Variants in GLRA1 observed in about 807,000 individuals in gnomAD.
GLRA1 encodes glycine receptor alpha 1.
A neutral mutation model predicts 48.3 loss-of-function variants in GLRA1; 37 were observed. That is an observed-to-expected ratio of 0.77 (90% CI 0.59 to 1.01). The LOEUF (loss-of-function observed/expected upper bound fraction) is 1.01. Among genes scored for constraint, GLRA1 ranks in the 50% least tolerant of loss-of-function variants. The pLI, the probability that GLRA1 is intolerant of heterozygous loss-of-function variation, is 0.00. For synonymous variants in GLRA1, 196 were observed against 210.7 expected (o/e 0.93, Z 0.60); for missense variants, 427 against 571.0 (o/e 0.75, Z 2.57).
chr5:151,847,502 C>T (rs770192246), intron 7 of GLRA1, among the ~76,000 whole-genome samples: 4 of 152,058 alleles, frequency 2.6e-5, no homozygotes, highest in Non-Finnish European at 5.9e-5. Flanking sequence ...GGGTGGATCA[C>T]GAGGTCAGGA....
At chr5:151,906,984 G>A (rs1157422733) in intron 1 of GLRA1, among the ~76,000 whole-genome samples, 1 of 152,234 alleles carries the variant, frequency 6.6e-6, no homozygotes, top group Non-Finnish European at 1.5e-5. Context: ...AGCTGCCTGA[G>A]TAGATGATGA....
intron 7 of GLRA1, among the ~76,000 whole-genome samples, chr5:151,844,916 A>G (rs1390869675): frequency 6.6e-6 from 1 of 152,158 alleles, no homozygotes; most frequent in Non-Finnish European, 1.5e-5. Context: ...GCTTCCACTC[A>G]TGGTAGAAAG....
At chr5:151,825,086 A>G (rs976584804) in intron 8 of GLRA1, among the ~76,000 whole-genome samples, 12 of 152,200 alleles carry the variant, frequency 7.9e-5, no homozygotes, top group African/African-American at 2.9e-4. Context: ...GTGAGGAGGA[A>G]GAGGATGTGC....
intron 7 of GLRA1, among the ~76,000 whole-genome samples, chr5:151,832,645 C>G (rs1282569924): frequency 6.6e-6 from 1 of 152,122 alleles, no homozygotes; most frequent in African/African-American, 2.4e-5. Context: ...AAATACAGGA[C>G]TCTGTGAAAA....
At chr5:151,835,782 A>G (rs979462830) in intron 7 of GLRA1, among the ~76,000 whole-genome samples, 25 of 152,322 alleles carry the variant, frequency 1.6e-4, no homozygotes, top group Non-Finnish European at 1.6e-4. Flanking sequence ...AAAACTCTCA[A>G]TAAACTGGGT....
intron 6 of GLRA1, among the ~76,000 whole-genome samples, chr5:151,854,487 A>G (rs181766781): frequency 6.6e-6 from 1 of 152,350 alleles, no homozygotes; most frequent in East Asian, 1.9e-4. Flanking sequence ...GAGACAGGAT[A>G]CGCAAAGCCA....
chr5:151,885,261 T>G (rs1222927740), intron 3 of GLRA1, among the ~76,000 whole-genome samples: 2 of 152,234 alleles, frequency 1.3e-5, no homozygotes, highest in Admixed American at 1.3e-4. Context: ...CTGTTGAGTA[T>G]CTGTTATTGA....
At chr5:151,913,972 T>C (rs1049003131) in intron 1 of GLRA1, among the ~76,000 whole-genome samples, 12 of 152,204 alleles carry the variant, frequency 7.9e-5, no homozygotes, top group African/African-American at 2.7e-4. Context: ...CGTTAAGTGA[T>C]TTATCCTAGG....
chr5:151,848,831 C>T, intron 7 of GLRA1: 1 of 523,640 alleles, frequency 1.9e-6, no homozygotes, highest in Non-Finnish European at 3.6e-6. Flanking sequence ...TCACCTCACT[C>T]TCATGGCCTA....
intron 7 of GLRA1, among the ~76,000 whole-genome samples, chr5:151,832,154 G>A (rs959459288): frequency 2.0e-5 from 3 of 152,178 alleles, no homozygotes; most frequent in Non-Finnish European, 2.9e-5. Flanking sequence ...GGTCACAAGC[G>A]TCAAAGGCCA....
At chr5:151,910,114 T>C (rs1754573318) in intron 1 of GLRA1, among the ~76,000 whole-genome samples, 1 of 152,172 alleles carries the variant, frequency 6.6e-6, no homozygotes. Flanking sequence ...AAAATTCTCC[T>C]AAATACACGA....
rs186214461 is a variant in GLRA1 at position 151,900,191 on chromosome 5, C to G, written c.57-7753G>C. 7.2e-5 allele frequency among the ~76,000 whole-genome samples: 11 copies of G among 152,262 alleles called. No homozygotes were observed. In the East Asian group the frequency reaches 2.1e-3, roughly 29 times the overall value. On this transcript the variant is annotated intron_variant, in intron 1 of 8. Transcript: ENST00000274576. The stretch of plus-strand genomic sequence containing the variant: ...AGGTACCTAGTAAAATTTAAGGAGG[C>G]ACTCAATCCCAGGGTTGCATAAATG...
intron 7 of GLRA1, chr5:151,850,585 T>C (rs1752873684): frequency 2.7e-6 from 4 of 1,455,048 alleles, no homozygotes; most frequent in Non-Finnish European, 3.9e-6. Context: ...CTGGATTCCA[T>C]GAAACCTCCA....
rs199505206 is a variant in GLRA1 at position 151,827,029 on chromosome 5, G to GTTTTTTTTTTTT, written c.1059+1880_1059+1891dup. Among the ~76,000 whole-genome samples, 21 of 126,784 alleles carry GTTTTTTTTTTTT rather than the reference G, an allele frequency of 1.7e-4. 1 individual carries two copies. Among genetic ancestry groups the GTTTTTTTTTTTT allele is most frequent in the African/African-American group, 5.8e-4 (20 of 34,554 alleles). 83.2% of individuals were successfully genotyped at this position (126,784 alleles called of 152,430 possible). ...TTGGTCAGTTTCTTTCTTTCTTTCT[G>GTTTTTTTTTTTT]TTTTTTTTTTTTTTTTTGAGACAAA... On this transcript the variant is annotated intron_variant, in intron 8 of 8. Coordinates refer to ENST00000274576, the MANE Select transcript of GLRA1 (RefSeq NM_000171.4).
At chr5:151,852,070 A>T (rs1752927395) in intron 6 of GLRA1, among the ~76,000 whole-genome samples, 1 of 152,104 alleles carries the variant, frequency 6.6e-6, no homozygotes, top group Admixed American at 6.5e-5. Flanking sequence ...CTTTCCTCAT[A>T]CAAGGCAGTT....
rs778631570 is a variant in GLRA1, at chr5:151,924,492, A to G, written c.56+2T>C. 3 of 1,563,280 alleles carry G rather than the reference A, an allele frequency of 1.9e-6. No homozygotes were observed. The highest frequency in any genetic ancestry group is 2.6e-6 in the Non-Finnish European group (3 of 1,133,746). On this transcript the variant is annotated splice_donor_variant, in intron 1 of 8. Coordinates refer to ENST00000274576, the MANE Select transcript of GLRA1 (RefSeq NM_000171.4). LOFTEE classifies it high-confidence loss of function. ...CGATGTGGTCAGTAGAAAATTGCATACCTGAAGAATACAATGGTCTCCCAA... is the reference window on the plus strand; with the variant it reads ...CGATGTGGTCAGTAGAAAATTGCATGCCTGAAGAATACAATGGTCTCCCAA...
intron 3 of GLRA1, among the ~76,000 whole-genome samples, chr5:151,863,723 T>A (rs1753261821): frequency 6.6e-6 from 1 of 152,180 alleles, no homozygotes; most frequent in Non-Finnish European, 1.5e-5. Flanking sequence ...TCTTTTGGAA[T>A]GCTGCTTATA....
intron 1 of GLRA1, among the ~76,000 whole-genome samples, chr5:151,892,915 G>C (rs908198934): frequency 6.6e-5 from 10 of 152,192 alleles, no homozygotes; most frequent in African/African-American, 2.2e-4. Flanking sequence ...AGTTGCTAAA[G>C]TCAGATGCAT....
chr5:151,898,885 G>A (rs571297964), intron 1 of GLRA1, among the ~76,000 whole-genome samples: 1 of 152,298 alleles, frequency 6.6e-6, no homozygotes, highest in South Asian at 2.1e-4. Context: ...TGGAGAAAAT[G>A]ACTTTTTAAA....
Sources: gnomAD v4.1 joint callset for allele counts (sites outside exome capture counted in the v4.1 genomes callset) on GRCh38, gnomAD v4.1.1 for gene constraint, MANE v1.5 for transcripts, NCBI Gene and HGNC (gene_info 2026-07-23, HGNC 2026-07-21) for gene names.